TBC1D19: variants seen among roughly 807,000 people sequenced by gnomAD.
The protein encoded by TBC1D19 is TBC1 domain family member 19.
In TBC1D19, 60 loss-of-function variants were observed where a neutral mutation model predicts 89.0. The ratio of observed to expected loss-of-function variants is 0.67; its 90% CI spans 0.55 to 0.84. The LOEUF (loss-of-function observed/expected upper bound fraction) is 0.84. Ranked by LOEUF, TBC1D19 falls within the 40% of genes least tolerant of loss-of-function variation. The probability of loss-of-function intolerance (pLI) is 0.00; values close to 1 mark genes in which losing one functional copy is unlikely to be tolerated. For synonymous variants in TBC1D19, 189 were observed against 199.7 expected (o/e 0.95, Z 0.45); for missense variants, 500 against 610.8 (o/e 0.82, Z 1.91).
intron 1 of TBC1D19, among the ~76,000 whole-genome samples, chr4:26,577,286 T>TC (rs1414776312): frequency 1.3e-5 from 2 of 151,450 alleles, no homozygotes; most frequent in African/African-American, 4.8e-5. Context: ...CTCTCTCGTG[T>TC]GTGTGTGTGT....
At chr4:26,762,799 G>A in the TBC1D19 span, among the ~76,000 whole-genome samples, 3 of 152,098 alleles carry the variant, frequency 2.0e-5, no homozygotes, top group African/African-American at 7.2e-5. Flanking sequence ...ATTTGAAGGT[G>A]TCACACAGCT....
the TBC1D19 span, among the ~76,000 whole-genome samples, chr4:26,806,881 C>T: frequency 6.6e-6 from 1 of 152,062 alleles, no homozygotes; most frequent in Non-Finnish European, 1.5e-5. Context: ...CTGGTAAATG[C>T]CAGAAGCTAG....
chr4:26,780,328 G>C, the TBC1D19 span, among the ~76,000 whole-genome samples: 1 of 152,128 alleles, frequency 6.6e-6, no homozygotes, highest in African/African-American at 2.4e-5. Flanking sequence ...AAAACTGGTC[G>C]TCAGAACATA....
intron 8 of TBC1D19, among the ~76,000 whole-genome samples, chr4:26,665,222 A>C (rs1042151637): frequency 1.3e-5 from 2 of 152,166 alleles, no homozygotes; most frequent in Non-Finnish European, 2.9e-5. Context: ...ATTGAAATAT[A>C]GTAGTAGTTA....
At chr4:26,630,959 T>G (rs964903555) in intron 4 of TBC1D19, among the ~76,000 whole-genome samples, 2 of 152,068 alleles carry the variant, frequency 1.3e-5, no homozygotes, top group African/African-American at 4.8e-5. Context: ...TTCTTCATCT[T>G]GGATTTCCCC....
chr4:26,589,142 G>T (rs529776219), intron 1 of TBC1D19, among the ~76,000 whole-genome samples: 11 of 152,216 alleles, frequency 7.2e-5, no homozygotes, highest in Admixed American at 7.2e-4. Context: ...AGGTGTGGTG[G>T]TGCATTCCTG....
At chr4:26,667,230 A>G (rs1225883970) in intron 9 of TBC1D19, among the ~76,000 whole-genome samples, 1 of 152,038 alleles carries the variant, frequency 6.6e-6, no homozygotes, top group Non-Finnish European at 1.5e-5. Flanking sequence ...TAAATACTTT[A>G]TTAATGTATA....
intron 9 of TBC1D19, among the ~76,000 whole-genome samples, chr4:26,669,960 C>G (rs1410134851): frequency 6.6e-6 from 1 of 151,540 alleles, no homozygotes; most frequent in East Asian, 1.9e-4. Flanking sequence ...ATGTGCTTAT[C>G]AAGATAACTG....
the TBC1D19 span, among the ~76,000 whole-genome samples, chr4:26,788,797 G>A: frequency 1.3e-5 from 2 of 152,298 alleles, no homozygotes; most frequent in African/African-American, 4.8e-5. Context: ...TCGGCTTCCT[G>A]TTAAGAGGAC....
At chr4:26,626,399 A>G (rs891424481) in intron 4 of TBC1D19, among the ~76,000 whole-genome samples, 20 of 152,286 alleles carry the variant, frequency 1.3e-4, no homozygotes, top group African/African-American at 4.8e-4. Flanking sequence ...AAACAATACT[A>G]ATAAGCATAT....
intron 11 of TBC1D19, among the ~76,000 whole-genome samples, chr4:26,674,394 GCAGATGGGTAATAGATTAAATAA>G (rs1428579179): frequency 6.6e-6 from 1 of 152,086 alleles, no homozygotes; most frequent in African/African-American, 2.4e-5. Context: ...GAGATCACCA[GCAGATGGGTAATAGATTAAATAA>G]AGCAAAACTA....
At chr4:26,730,615 G>C (rs1717597165) in intron 15 of TBC1D19, among the ~76,000 whole-genome samples, 1 of 152,170 alleles carries the variant, frequency 6.6e-6, no homozygotes, top group Non-Finnish European at 1.5e-5. Context: ...CGTATACTTT[G>C]ATAACAATCT....
chr4:26,853,731 T>G, the TBC1D19 span, among the ~76,000 whole-genome samples: 4 of 152,110 alleles, frequency 2.6e-5, no homozygotes, highest in Non-Finnish European at 5.9e-5. Flanking sequence ...GAGATGGAGT[T>G]TCACCATGTT....
At chr4:26,714,148 C>T (rs994071292) in intron 13 of TBC1D19, among the ~76,000 whole-genome samples, 1 of 152,084 alleles carries the variant, frequency 6.6e-6, no homozygotes, top group African/African-American at 2.4e-5. Context: ...GAGTTCAAGA[C>T]CAGCCTGGGC....
intron 4 of TBC1D19, among the ~76,000 whole-genome samples, chr4:26,624,461 CAG>C (rs1742260923): frequency 6.6e-6 from 1 of 152,180 alleles, no homozygotes; most frequent in African/African-American, 2.4e-5. Flanking sequence ...ACTGCAACCT[CAG>C]CCTCCCAAAG....
chr4:26,632,473 A>T (rs1464174511), intron 4 of TBC1D19, among the ~76,000 whole-genome samples: 3 of 152,024 alleles, frequency 2.0e-5, no homozygotes, highest in Non-Finnish European at 4.4e-5. Context: ...GTGGGAGTAG[A>T]TCATCATAAA....
At chr4:26,612,904 A>G (rs927573935) in intron 1 of TBC1D19, among the ~76,000 whole-genome samples, 1 of 151,996 alleles carries the variant, frequency 6.6e-6, no homozygotes, top group African/African-American at 2.4e-5. Flanking sequence ...GATGATAAGG[A>G]CTCATAATCT....
At chr4:26,695,825 AC>A (rs1185919056) in intron 13 of TBC1D19, among the ~76,000 whole-genome samples, 1 of 152,204 alleles carries the variant, frequency 6.6e-6, no homozygotes. Context: ...TTTTGTCACC[AC>A]CAGGCCTGCC....
chr4:26,628,368 A>G (rs1270564558), intron 4 of TBC1D19, among the ~76,000 whole-genome samples: 10 of 152,182 alleles, frequency 6.6e-5, no homozygotes, highest in African/African-American at 2.4e-4. Context: ...TTGGCGATGC[A>G]GGCTCTTTTT....
Sources: allele counts gnomAD v4.1 joint callset (sites outside exome capture counted in the v4.1 genomes callset), GRCh38; gene constraint gnomAD v4.1.1; transcripts MANE v1.5; gene names NCBI Gene and HGNC (gene_info 2026-07-23, HGNC 2026-07-21).